SUPT16H: variants seen among roughly 807,000 people sequenced by gnomAD.
The protein encoded by SUPT16H is FACT complex subunit SPT16.
SUPT16H carries 24 observed loss-of-function variants against 136.2 expected under a neutral mutation model. The ratio of observed to expected loss-of-function variants is 0.18; its 90% CI spans 0.13 to 0.25. The LOEUF (loss-of-function observed/expected upper bound fraction) is 0.25. Among genes scored for constraint, SUPT16H ranks in the 10% least tolerant of loss-of-function variants. The pLI is 1.00. For synonymous variants in SUPT16H, 415 were observed against 428.2 expected (o/e 0.97, Z 0.38); for missense variants, 623 against 1,270.2 (o/e 0.49, Z 7.74).
chr14:21,383,956 C>T lies in SUPT16H; in HGVS notation c.-29G>A. The T allele has an allele frequency of 1.9e-6, 3 of 1,612,200 alleles. No homozygotes were observed. Among genetic ancestry groups the T allele is most frequent in the Non-Finnish European group, 2.5e-6 (3 of 1,179,942 alleles). On this transcript the variant is annotated 5_prime_UTR_variant, in exon 1 of 26. Transcript: ENST00000216297. Reference sequence around the variant, plus strand: ...CCCGGACGCCGCTTCTCCTCGGGTTCCGAGAATCACGCGAGGTCCCGGCTC... The same window carrying T: ...CCCGGACGCCGCTTCTCCTCGGGTTTCGAGAATCACGCGAGGTCCCGGCTC...
Position 21,360,346 on chromosome 14 carries a change from AG to A in SUPT16H, c.2175+68del, listed in dbSNP as rs1886525822. 4 of 1,242,894 alleles carry A rather than the reference AG, an allele frequency of 3.2e-6. No individual in the cohort carries two copies. The South Asian group carries it at 5.5e-5, about 17-fold the overall frequency. The allele number at this position is 1,242,894 out of a possible 1,614,324, so 77.0% of individuals were successfully genotyped here. A position where few individuals can be genotyped will look rare whatever the true frequency, so the allele number is the denominator to read the frequency against. On this transcript the variant is annotated intron_variant, in intron 18 of 25. Coordinates refer to ENST00000216297, the MANE Select transcript of SUPT16H (RefSeq NM_007192.4). Reference sequence around the variant, plus strand: ...CCCAGCCCTTTCATCACTATTTTATAGGAAAGAAGCTGAGTGAAATGAAGTG... The same window carrying A: ...CCCAGCCCTTTCATCACTATTTTATAGAAAGAAGCTGAGTGAAATGAAGTG...
In SUPT16H at chr14:21,368,146, T is replaced by A. The variant is rs1886710403; in HGVS notation, c.955+123A>T. 7.0e-6 allele frequency: 7 copies of A among 997,236 alleles called. No homozygotes were observed. The East Asian group carries it at 1.8e-4, about 25-fold the overall frequency. 61.8% of individuals were successfully genotyped at this position (997,236 alleles called of 1,614,324 possible). A position where few individuals can be genotyped will look rare whatever the true frequency, so the allele number is the denominator to read the frequency against. On this transcript the variant is annotated intron_variant, in intron 7 of 25. Coordinates refer to ENST00000216297, the MANE Select transcript of SUPT16H (RefSeq NM_007192.4). ...ATTGCCCAGGCTGGTCTTGAACTCC[T>A]GGATTCAAGTGATCCTCCTGCCTCG...
At chr14:21,356,994 CA>C (rs915201524) in intron 22 of SUPT16H, among the ~76,000 whole-genome samples, 2 of 152,158 alleles carry the variant, frequency 1.3e-5, no homozygotes, top group Non-Finnish European at 1.5e-5. Context: ...GTTAAGTATG[CA>C]CAAGCTATTG....
Position 21,363,460 on chromosome 14 carries a change from T to A in SUPT16H, c.1277A>T (p.Lys426Met), listed in dbSNP as rs1886599982. ...TACCTTTAGGAAAATCCCCACATTCTTCACTTTCTTCTTCACAGAAGTGAG... is the reference window on the plus strand; with the variant it reads ...TACCTTTAGGAAAATCCCCACATTCATCACTTTCTTCTTCACAGAAGTGAG... ...TVLTSVKKKV[K>M]NVGIFLKNED... The change falls in exon 11 of 26, where the codon AAG becomes ATG. Residue 426 changes from lysine to methionine, a missense_variant. Lys to Met is a moderately conservative substitution (Grantham distance 95). Transcript: ENST00000216297. 2.5e-6 allele frequency: 4 copies of A among 1,613,952 alleles called. No individual in the cohort carries two copies. The highest frequency in any genetic ancestry group is 3.4e-6 in the Non-Finnish European group (4 of 1,179,920).
chr14:21,373,343 A>G lies in SUPT16H; in HGVS notation c.154T>C (p.Leu52=). The change falls in exon 2 of 26, where the codon TTA becomes CTA. Residue 52 remains leucine (L), a synonymous_variant. Coordinates refer to ENST00000216297, the MANE Select transcript of SUPT16H (RefSeq NM_007192.4). The part of the protein sequence containing the change: ...EEIVYAKSTA[L]QTWLFGYELT... ...AATTGCTGTAAATCTCTCACCTGTA[A>G]GGCAGTTGATTTGGCATAAACAATT... The G allele has an allele frequency of 6.2e-7, 1 of 1,612,964 alleles. No individual in the cohort carries two copies. The highest frequency in any genetic ancestry group is 8.5e-7 in the Non-Finnish European group (1 of 1,178,886).
chr14:21,373,533 A>G (rs1697643682), intron 1 of SUPT16H, 103 bp from the exon 2 acceptor site: 2 of 922,822 alleles, frequency 2.2e-6, no homozygotes, highest in Admixed American at 1.8e-5. Flanking sequence ...CCTGATAGAA[A>G]TTTCAAGTTT....
At position 21,383,556 on chromosome 14, in the gene SUPT16H, G is replaced by A. The variant is rs78412029; in HGVS notation, c.66+306C>T. On this transcript the variant is annotated intron_variant, in intron 1 of 25. Transcript: ENST00000216297. ...GGGGAGGGCAGCAAGACGTGACCAC[G>A]GAGTAGGAGGGAAGGATGTTGCCTC... is the stretch of plus-strand genomic sequence containing the variant. The A allele has an allele frequency of 4.3e-3, 2,945 of 677,288 alleles. 72 individuals are homozygous for A. The African/African-American group carries it at 0.047, about 11-fold the overall frequency. The allele number at this position is 677,288 out of a possible 1,614,324, so 42.0% of individuals were successfully genotyped here.
chr14:21,375,995 T>C (rs1886893933), intron 1 of SUPT16H, among the ~76,000 whole-genome samples: 1 of 152,248 alleles, frequency 6.6e-6, no homozygotes, highest in Non-Finnish European at 1.5e-5. Context: ...TTTCATAGCT[T>C]TAGCTGTCAC....
intron 3 of SUPT16H, among the ~76,000 whole-genome samples, chr14:21,370,698 C>T (rs1280619952): frequency 6.6e-6 from 1 of 152,106 alleles, no homozygotes; most frequent in Non-Finnish European, 1.5e-5. Flanking sequence ...ACTGCAACCT[C>T]GAACTCCCAA....
At chr14:21,364,560 AAAG>A (rs527824705) in intron 10 of SUPT16H, among the ~76,000 whole-genome samples, 9 of 152,224 alleles carry the variant, frequency 5.9e-5, no homozygotes, top group East Asian at 1.9e-4. Flanking sequence ...TAAAAAGAAA[AAAG>A]AATAACCGGT....
chr14:21,383,811 T>A, intron 1 of SUPT16H, 51 bp downstream of exon 1: 1 of 1,606,238 alleles, frequency 6.2e-7, no homozygotes. Flanking sequence ...ACAGGGTTAT[T>A]ATGGGATGGC....
chr14:21,352,933 A>AC, intron 25 of SUPT16H, 115 bp from the exon 26 acceptor site: 1 of 1,350,822 alleles, frequency 7.4e-7, no homozygotes, highest in Non-Finnish European at 1.0e-6. Context: ...AAGTTTTAAT[A>AC]TTGGGCAAGT....
At chr14:21,366,291 CT>C in intron 8 of SUPT16H, 147 bp downstream of exon 8, 1 of 736,878 alleles carries the variant, frequency 1.4e-6, no homozygotes, top group Non-Finnish European at 2.3e-6. Context: ...CTCACCTTCT[CT>C]GATAACATCA....
chr14:21,357,492 T>G (rs77242242), intron 21 of SUPT16H, 126 bp from the exon 22 acceptor site: 1 of 959,282 alleles, frequency 1.0e-6, no homozygotes, highest in Non-Finnish European at 1.4e-6. Flanking sequence ...GTTTTTTTTT[T>G]GAAAGACTGA....
intron 1 of SUPT16H, among the ~76,000 whole-genome samples, chr14:21,375,570 AT>A (rs1334568354): frequency 6.6e-6 from 1 of 151,954 alleles, no homozygotes; most frequent in Non-Finnish European, 1.5e-5. Context: ...AAAGTTTCTA[AT>A]TTTGAAGTGG....
intron 9 of SUPT16H, 55 bp downstream of exon 9, chr14:21,365,015 T>A: frequency 6.2e-7 from 1 of 1,607,538 alleles, no homozygotes; most frequent in South Asian, 1.1e-5. Context: ...TAAAAGAAAA[T>A]AAAGCTAAAG....
Position 21,361,133 on chromosome 14 carries a change from A to G in SUPT16H, c.1874T>C (p.Ile625Thr). The G allele has an allele frequency of 1.2e-6, 2 of 1,613,988 alleles. No individual in the cohort carries two copies. The highest frequency in any genetic ancestry group is 1.7e-6 in the Non-Finnish European group (2 of 1,180,000). Residue 625 changes from isoleucine to threonine, a missense_variant, in exon 16 of 26, where the codon ATT (isoleucine) becomes ACT (threonine). Ile to Thr is a moderately conservative substitution (Grantham distance 89). Around this residue, in one of 7 missense-constraint regions of SUPT16H, gnomAD observed 62 missense variants for 200.5 expected, o/e 0.31. Coordinates refer to ENST00000216297, the MANE Select transcript of SUPT16H (RefSeq NM_007192.4). ...ALNLQNAFRIIKEVQKRYKTR... is the reference protein window; with the variant it reads ...ALNLQNAFRITKEVQKRYKTR... ...TTTATAACGTTTCTGTACTTCTTTAATAATTCGGAAAGCATTCTGAAGGTT... is the reference window on the plus strand; with the variant it reads ...TTTATAACGTTTCTGTACTTCTTTAGTAATTCGGAAAGCATTCTGAAGGTT...
At chr14:21,357,421 T>C in intron 21 of SUPT16H, 55 bp from the exon 22 acceptor site, 4 of 1,447,232 alleles carry the variant, frequency 2.8e-6, no homozygotes, top group Non-Finnish European at 3.7e-6. Context: ...AAAGCAATAA[T>C]ATTTCAAATA....
At position 21,384,010 on chromosome 14, in the gene SUPT16H, G is replaced by A. The variant is rs926546022; in HGVS notation, c.-83C>T. On this transcript the variant is annotated 5_prime_UTR_variant, in exon 1 of 26. Coordinates refer to ENST00000216297, the MANE Select transcript of SUPT16H (RefSeq NM_007192.4). The stretch of plus-strand genomic sequence containing the variant: ...CACCCGCTCTCGGCCCAGGAATCCC[G>A]CACTCTCCCAATGACCCGGAAGTAT... The A allele has an allele frequency of 1.3e-6, 2 of 1,512,036 alleles. No homozygotes were observed. The highest frequency in any genetic ancestry group is 1.8e-6 in the Non-Finnish European group (2 of 1,089,798). 93.7% of individuals were successfully genotyped at this position (1,512,036 alleles called of 1,614,324 possible). A position where few individuals can be genotyped will look rare whatever the true frequency, so the allele number is the denominator to read the frequency against.
Sources: allele counts gnomAD v4.1 joint callset (sites outside exome capture counted in the v4.1 genomes callset), GRCh38; gene constraint gnomAD v4.1.1; regional missense constraint gnomAD v4.1.1; transcripts MANE v1.5; gene names NCBI Gene and HGNC (gene_info 2026-07-23, HGNC 2026-07-21).